STIM1: variants seen among roughly 807,000 people sequenced by gnomAD.
STIM1 encodes the protein stromal interaction molecule 1.
STIM1 carries 25 observed loss-of-function variants against 74.7 expected under a neutral mutation model. The observed-to-expected ratio is 0.33, with a 90% confidence interval of 0.24 to 0.47. STIM1 has a LOEUF of 0.47. Among genes scored for constraint, STIM1 ranks in the 20% least tolerant of loss-of-function variants. The probability of loss-of-function intolerance (pLI) is 1.00; values close to 1 mark genes in which losing one functional copy is unlikely to be tolerated. For missense variants in STIM1, 728 were observed against 920.8 expected (o/e 0.79, Z 2.71); for synonymous variants, 328 against 348.8 (o/e 0.94, Z 0.66).
intron 1 of STIM1, among the ~76,000 whole-genome samples, chr11:3,868,890 C>T (rs2090969432): frequency 6.6e-6 from 1 of 152,000 alleles, no homozygotes; most frequent in Non-Finnish European, 1.5e-5. Context: ...TAGAAGGACT[C>T]AATATAGCAG....
chr11:4,088,628 G>A (rs2094506500), intron 12 of STIM1: 2 of 1,391,030 alleles, frequency 1.4e-6, no homozygotes, highest in Admixed American at 3.9e-5. Flanking sequence ...AGGGCAGTGG[G>A]GAGGAAGGGC....
At chr11:4,021,348 A>T (rs548897649) in intron 2 of STIM1, among the ~76,000 whole-genome samples, 2 of 151,924 alleles carry the variant, frequency 1.3e-5, no homozygotes, top group Non-Finnish European at 2.9e-5. Flanking sequence ...CTGGTCTCCA[A>T]CTCCCAGCTT....
At chr11:3,939,431 C>T (rs1360698679) in intron 1 of STIM1, among the ~76,000 whole-genome samples, 3 of 152,170 alleles carry the variant, frequency 2.0e-5, no homozygotes, top group Non-Finnish European at 4.4e-5. Context: ...CTCATTTCTG[C>T]ATTTCTCCCA....
chr11:3,904,570 C>A (rs1309800027), intron 1 of STIM1, among the ~76,000 whole-genome samples: 2 of 152,012 alleles, frequency 1.3e-5, no homozygotes. Flanking sequence ...TTTAGGAAGA[C>A]CTCTTATATG....
intron 12 of STIM1, chr11:4,086,879 T>C (rs998272703): frequency 1.3e-6 from 2 of 1,523,416 alleles, no homozygotes; most frequent in African/African-American, 1.4e-5. Context: ...CTGTCTCTCT[T>C]TTCTTTCTTC....
intron 1 of STIM1, chr11:3,892,803 C>G: frequency 1.2e-6 from 2 of 1,613,052 alleles, no homozygotes; most frequent in Non-Finnish European, 1.7e-6. Context: ...GTCTTTGGAA[C>G]CTTGTCTGCA....
At chr11:3,944,387 C>T (rs951460996) in intron 1 of STIM1, among the ~76,000 whole-genome samples, 6 of 152,276 alleles carry the variant, frequency 3.9e-5, no homozygotes, top group Admixed American at 3.9e-4. Context: ...CTGATTGAAT[C>T]ACTGGCCTCT....
chr11:3,985,234 C>A (rs1252190978), intron 2 of STIM1, among the ~76,000 whole-genome samples: 1 of 152,054 alleles, frequency 6.6e-6, no homozygotes, highest in Non-Finnish European at 1.5e-5. Context: ...TCTGCTTTGT[C>A]TTTTCTGGAT....
At chr11:4,020,181 T>C (rs957762543) in intron 2 of STIM1, among the ~76,000 whole-genome samples, 1 of 152,236 alleles carries the variant, frequency 6.6e-6, no homozygotes, top group African/African-American at 2.4e-5. Flanking sequence ...TACGACATTT[T>C]CTTTAAACAT....
At chr11:4,029,957 T>TAA (rs1462031597) in intron 3 of STIM1, among the ~76,000 whole-genome samples, 3 of 152,192 alleles carry the variant, frequency 2.0e-5, no homozygotes, top group Admixed American at 6.5e-5. Context: ...TGCTTTTGCT[T>TAA]AAAGTTGCAG....
intron 2 of STIM1, among the ~76,000 whole-genome samples, chr11:4,022,334 T>C (rs1412070202): frequency 1.1e-4 from 3 of 28,410 alleles, no homozygotes; most frequent in Admixed American, 9.2e-4. Context: ...AGAACCTGTC[T>C]CAAAAAAAAA....
At chr11:3,869,940 C>T (rs941925657) in intron 1 of STIM1, among the ~76,000 whole-genome samples, 4 of 152,124 alleles carry the variant, frequency 2.6e-5, no homozygotes. Context: ...GTCAAAGATA[C>T]ACCAGTGTTT....
chr11:4,019,886 A>G (rs1255660072), intron 2 of STIM1, among the ~76,000 whole-genome samples: 1 of 152,186 alleles, frequency 6.6e-6, no homozygotes, highest in Non-Finnish European at 1.5e-5. Context: ...GAACACTAGA[A>G]CTTATAAACT....
intron 7 of STIM1, among the ~76,000 whole-genome samples, chr11:4,078,043 AT>A (rs1185019424): frequency 2.0e-5 from 3 of 152,006 alleles, no homozygotes. Flanking sequence ...TATTAGTCAT[AT>A]TTTTTGCCAT....
chr11:3,863,254 GTGTGTGTGTGTGTA>G, intron 1 of STIM1, among the ~76,000 whole-genome samples: 2 of 65,830 alleles, frequency 3.0e-5, no homozygotes, highest in Admixed American at 1.9e-4. Context: ...GTGTGTGTGT[GTGTGTGTGTGTGTA>G]TGTATTTGAG....
chr11:3,930,046 G>GTA (rs976095113), intron 1 of STIM1, among the ~76,000 whole-genome samples: 1 of 152,128 alleles, frequency 6.6e-6, no homozygotes, highest in East Asian at 1.9e-4. Flanking sequence ...AGGCCCAGGT[G>GTA]TATATATATG....
chr11:3,882,515 A>G (rs932011923), intron 1 of STIM1, among the ~76,000 whole-genome samples: 1 of 152,172 alleles, frequency 6.6e-6, no homozygotes, highest in African/African-American at 2.4e-5. Flanking sequence ...GCTCTTGTGG[A>G]TAGTGCTGTT....
At chr11:4,009,833 G>A (rs1248586129) in intron 2 of STIM1, among the ~76,000 whole-genome samples, 1 of 151,858 alleles carries the variant, frequency 6.6e-6, no homozygotes, top group Non-Finnish European at 1.5e-5. Context: ...ATTTTTTTGA[G>A]ACAGGATCTT....
At chr11:4,006,100 A>C (rs966718679) in intron 2 of STIM1, among the ~76,000 whole-genome samples, 4 of 151,946 alleles carry the variant, frequency 2.6e-5, no homozygotes, top group African/African-American at 9.7e-5. Flanking sequence ...GGCTGTTAGG[A>C]GTGATTGGAT....
Sources: allele counts gnomAD v4.1 joint callset (sites outside exome capture counted in the v4.1 genomes callset), GRCh38; gene constraint gnomAD v4.1.1; transcripts MANE v1.5; gene names NCBI Gene and HGNC (gene_info 2026-07-23, HGNC 2026-07-21).